PEAK1: variants seen among roughly 807,000 people sequenced by gnomAD.
PEAK1 encodes the protein pseudopodium enriched atypical kinase 1.
Under a neutral mutation model 124.7 loss-of-function variants are expected in PEAK1, and 54 were observed. The ratio of observed to expected loss-of-function variants is 0.43; its 90% CI spans 0.35 to 0.54. The LOEUF (loss-of-function observed/expected upper bound fraction) is 0.54. PEAK1 is among the 20% of genes least tolerant of loss of function. The probability of loss-of-function intolerance (pLI) is 0.01; values close to 1 mark genes in which losing one functional copy is unlikely to be tolerated. For missense variants in PEAK1, 2,046 were observed against 2,134.5 expected, an observed-to-expected ratio of 0.96 and a Z score of 0.82; for synonymous variants, 719 against 760.0, an observed-to-expected ratio of 0.95 and a Z score of 0.89.
intron 6 of PEAK1, among the ~76,000 whole-genome samples, chr15:77,186,444 A>G (rs1328108903): frequency 6.6e-6 from 1 of 152,154 alleles, no homozygotes; most frequent in Admixed American, 6.5e-5. Context: ...GCCAAATGAG[A>G]CTCACCAGGA....
At position 77,266,608 on chromosome 15, in the gene PEAK1, C is replaced by A. The variant is rs144514062; in HGVS notation, c.-274-14082G>T. ...GAAAACCATTTGCCATATCAAGAAT[C>A]AGGAAAATCATAACTTGAATGAGAA... On this transcript the variant is annotated intron_variant, in intron 5 of 9. Transcript: ENST00000682557. Among the ~76,000 whole-genome samples, 12 of 152,256 alleles carry A rather than the reference C, an allele frequency of 7.9e-5. No homozygotes were observed. The East Asian group carries it at 1.7e-3, about 22-fold the overall frequency.
chr15:77,333,914 T>C (rs2066040973), intron 2 of PEAK1: 1 of 413,252 alleles, frequency 2.4e-6, no homozygotes, highest in Non-Finnish European at 3.3e-6. Flanking sequence ...CCAATTTTGT[T>C]AAATTTCCCT....
chr15:77,316,420 ATACT>A, intron 2 of PEAK1, among the ~76,000 whole-genome samples: 1 of 152,180 alleles, frequency 6.6e-6, no homozygotes. Context: ...TTACATAAAC[ATACT>A]TAGATTTTAT....
rs115396418 is a variant in PEAK1, at chr15:77,275,361, C to T, written c.-275+8522G>A. The stretch of plus-strand genomic sequence containing the variant: ...AAAATAAATATGTACATCTTGGTAA[C>T]GTACAGTCAATCCTTAAACAACATG... On this transcript the variant is annotated intron_variant, in intron 5 of 9. Transcript: ENST00000682557. Among the ~76,000 whole-genome samples the T allele has an allele frequency of 2.7e-3, 407 of 152,218 alleles. 1 individual carries two copies. Among genetic ancestry groups the T allele is most frequent in the African/African-American group, 8.3e-3 (343 of 41,528 alleles).
intron 7 of PEAK1, among the ~76,000 whole-genome samples, chr15:77,174,018 T>G (rs2056684917): frequency 6.6e-6 from 1 of 152,230 alleles, no homozygotes; most frequent in Non-Finnish European, 1.5e-5. Context: ...TACTTCTATG[T>G]GATAGGTATC....
intron 5 of PEAK1, among the ~76,000 whole-genome samples, chr15:77,266,256 A>T (rs2061724711): frequency 1.3e-5 from 2 of 151,396 alleles, no homozygotes; most frequent in South Asian, 4.2e-4. Context: ...GTATAATAAT[A>T]AAAAAAAATA....
chr15:77,280,563 CCT>C (rs1491237121), intron 5 of PEAK1, among the ~76,000 whole-genome samples: 1 of 124,522 alleles, frequency 8.0e-6, no homozygotes, highest in Non-Finnish European at 1.8e-5. Context: ...CAAATGATTT[CCT>C]TTTTTTTTTT....
At chr15:77,208,658 A>G (rs909640885) in intron 6 of PEAK1, among the ~76,000 whole-genome samples, 3 of 152,226 alleles carry the variant, frequency 2.0e-5, no homozygotes, top group Non-Finnish European at 4.4e-5. Flanking sequence ...TGCCAAAGTA[A>G]AAAAGCTAGG....
intron 2 of PEAK1, among the ~76,000 whole-genome samples, chr15:77,351,153 G>A (rs1408056997): frequency 6.6e-6 from 1 of 152,172 alleles, no homozygotes; most frequent in East Asian, 1.9e-4. Flanking sequence ...ACAAAGGGAA[G>A]GACTTAATTC....
At chr15:77,257,810 T>C (rs1250043754) in intron 5 of PEAK1, among the ~76,000 whole-genome samples, 1 of 142,210 alleles carries the variant, frequency 7.0e-6, no homozygotes, top group Non-Finnish European at 1.6e-5. Context: ...CCTGTGCCTA[T>C]GTCCTGAATG....
At chr15:77,292,354 T>A (rs1346110886) in intron 2 of PEAK1, among the ~76,000 whole-genome samples, 1 of 152,206 alleles carries the variant, frequency 6.6e-6, no homozygotes, top group African/African-American at 2.4e-5. Flanking sequence ...GCTGAAAGCA[T>A]AACTCATGAT....
intron 2 of PEAK1, among the ~76,000 whole-genome samples, chr15:77,316,922 A>T (rs564962989): frequency 6.6e-6 from 1 of 152,194 alleles, no homozygotes; most frequent in African/African-American, 2.4e-5. Context: ...TACTAAAAAA[A>T]ATACAAAAAT....
intron 6 of PEAK1, among the ~76,000 whole-genome samples, chr15:77,229,498 A>T (rs1399693345): frequency 6.6e-6 from 1 of 152,172 alleles, no homozygotes; most frequent in Non-Finnish European, 1.5e-5. Flanking sequence ...TATGGGTTTT[A>T]CTTTAGGGTC....
At chr15:77,306,157 G>C (rs187584941) in intron 2 of PEAK1, among the ~76,000 whole-genome samples, 3 of 152,040 alleles carry the variant, frequency 2.0e-5, no homozygotes. Context: ...GGCAGTTAAC[G>C]TGCATTTTTG....
intron 2 of PEAK1, among the ~76,000 whole-genome samples, chr15:77,324,348 G>A (rs1181512767): frequency 6.6e-6 from 1 of 152,046 alleles, no homozygotes; most frequent in South Asian, 2.1e-4. Flanking sequence ...GGGCATAGTG[G>A]TGGGTGCCTG....
intron 1 of PEAK1, among the ~76,000 whole-genome samples, chr15:77,417,089 C>T (rs912746935): frequency 6.6e-6 from 1 of 152,000 alleles, no homozygotes; most frequent in African/African-American, 2.4e-5. Flanking sequence ...ATTCTAGACA[C>T]CCTCCACCCA....
chr15:77,371,302 A>G, intron 1 of PEAK1: 1 of 922,496 alleles, frequency 1.1e-6, no homozygotes, highest in Admixed American at 6.2e-5. Flanking sequence ...GGAACATAAT[A>G]TATATTTCAC....
At chr15:77,405,409 TCTC>T (rs1438750527) in intron 1 of PEAK1, among the ~76,000 whole-genome samples, 1 of 152,198 alleles carries the variant, frequency 6.6e-6, no homozygotes, top group Non-Finnish European at 1.5e-5. Context: ...TGACAGATTT[TCTC>T]CTTTTTACTT....
At chr15:77,385,616 G>A (rs987910207) in intron 1 of PEAK1, among the ~76,000 whole-genome samples, 9 of 152,162 alleles carry the variant, frequency 5.9e-5, no homozygotes, top group Non-Finnish European at 1.3e-4. Flanking sequence ...CTATAAGGAA[G>A]GCTATCTGGG....
Sources: allele counts gnomAD v4.1 joint callset (sites outside exome capture counted in the v4.1 genomes callset), GRCh38; gene constraint gnomAD v4.1.1; transcripts MANE v1.5; gene names NCBI Gene and HGNC (gene_info 2026-07-23, HGNC 2026-07-21).